LINGO2: variants seen among roughly 807,000 people sequenced by gnomAD.
The protein encoded by LINGO2 is leucine rich repeat and Ig domain containing 2.
LINGO2 carries 14 observed loss-of-function variants against 30.6 expected under a neutral mutation model. The observed-to-expected ratio is 0.46, with a 90% confidence interval of 0.30 to 0.72. The LOEUF is 0.72. Ranked by LOEUF, LINGO2 falls within the 30% of genes least tolerant of loss-of-function variation. The pLI is 0.07. For missense variants in LINGO2, 729 were observed against 751.7 expected (o/e 0.97, Z 0.35); for synonymous variants, 317 against 288.5 (o/e 1.10, Z -1.00).
At chr9:29,029,596 T>C in the LINGO2 span, among the ~76,000 whole-genome samples, 1 of 152,144 alleles carries the variant, frequency 6.6e-6, no homozygotes, top group African/African-American at 2.4e-5. Flanking sequence ...AAAACAGTGA[T>C]AGATTTTTAC....
At chr9:27,979,023 T>A (rs1820733405) in intron 5 of LINGO2, among the ~76,000 whole-genome samples, 1 of 152,052 alleles carries the variant, frequency 6.6e-6, no homozygotes, top group East Asian at 1.9e-4. Context: ...GGTCATACTG[T>A]TAAGTCAATG....
chr9:28,549,472 G>T (rs1037202067), intron 1 of LINGO2, among the ~76,000 whole-genome samples: 15 of 151,884 alleles, frequency 9.9e-5, no homozygotes, highest in African/African-American at 3.6e-4. Flanking sequence ...TTTACGTAGG[G>T]TTTAAAGTTA....
At chr9:28,640,404 C>T (rs565853613) in intron 1 of LINGO2, among the ~76,000 whole-genome samples, 4 of 152,136 alleles carry the variant, frequency 2.6e-5, no homozygotes, top group South Asian at 2.1e-4. Flanking sequence ...TGGATAATAT[C>T]CTGCAGAGTG....
intron 5 of LINGO2, among the ~76,000 whole-genome samples, chr9:28,005,001 A>G (rs1327754713): frequency 6.6e-6 from 1 of 152,238 alleles, no homozygotes; most frequent in African/African-American, 2.4e-5. Flanking sequence ...ATATGCAGCG[A>G]GGCTGCCTTT....
the LINGO2 span, among the ~76,000 whole-genome samples, chr9:28,720,255 C>T: frequency 1.2e-4 from 18 of 152,122 alleles, no homozygotes; most frequent in East Asian, 2.5e-3. Flanking sequence ...ATTCACTCTA[C>T]GTTTTAGCCA....
At chr9:28,797,329 C>CATAT in the LINGO2 span, among the ~76,000 whole-genome samples, 186 of 65,908 alleles carry the variant, frequency 2.8e-3, 4 homozygotes, top group East Asian at 5.1e-3. Flanking sequence ...ATCATATATA[C>CATAT]ATATATATAT....
chr9:29,027,273 T>C, the LINGO2 span, among the ~76,000 whole-genome samples: 1 of 152,208 alleles, frequency 6.6e-6, no homozygotes, highest in African/African-American at 2.4e-5. Flanking sequence ...TAATGAATTG[T>C]CTTCAATCAT....
chr9:28,344,992 TAGAC>T (rs1280462251), intron 3 of LINGO2, among the ~76,000 whole-genome samples: 2 of 152,148 alleles, frequency 1.3e-5, no homozygotes, highest in African/African-American at 4.8e-5. Flanking sequence ...TACAAAATAT[TAGAC>T]AGTGGTAGTT....
intron 4 of LINGO2, among the ~76,000 whole-genome samples, chr9:28,189,754 G>C (rs909259844): frequency 1.3e-5 from 2 of 151,628 alleles, no homozygotes; most frequent in African/African-American, 4.8e-5. Flanking sequence ...AAAGTTCACT[G>C]CTTTACTAGT....
chr9:28,756,402 G>T, the LINGO2 span, among the ~76,000 whole-genome samples: 3 of 152,048 alleles, frequency 2.0e-5, no homozygotes, highest in East Asian at 5.8e-4. Flanking sequence ...TAGGCAAAAG[G>T]GACTTGCCTT....
chr9:29,086,382 T>C, the LINGO2 span, among the ~76,000 whole-genome samples: 1 of 97,088 alleles, frequency 1.0e-5, no homozygotes, highest in African/African-American at 4.2e-5. Flanking sequence ...TTTATCAAGG[T>C]TTTTTTTGGT....
intron 4 of LINGO2, among the ~76,000 whole-genome samples, chr9:28,218,332 G>A (rs1428652738): frequency 6.6e-6 from 1 of 151,018 alleles, no homozygotes; most frequent in South Asian, 2.1e-4. Context: ...AGAAAAATGA[G>A]GTCCCTAAGC....
At chr9:28,824,159 A>T in the LINGO2 span, among the ~76,000 whole-genome samples, 2 of 152,176 alleles carry the variant, frequency 1.3e-5, no homozygotes, top group African/African-American at 4.8e-5. Context: ...GACAAAAGTC[A>T]TAGAAACTGG....
intron 3 of LINGO2, among the ~76,000 whole-genome samples, chr9:28,312,915 C>G (rs1824688132): frequency 6.6e-6 from 1 of 151,944 alleles, no homozygotes; most frequent in Admixed American, 6.6e-5. Flanking sequence ...TTTTAATGAC[C>G]CAAGGGTAGT....
At chr9:28,213,751 T>C (rs554114931) in intron 4 of LINGO2, among the ~76,000 whole-genome samples, 3 of 151,672 alleles carry the variant, frequency 2.0e-5, no homozygotes, top group Admixed American at 6.6e-5. Flanking sequence ...TCAGTGGTTA[T>C]ATATTTATTT....
chr9:29,092,314 A>T, the LINGO2 span, among the ~76,000 whole-genome samples: 12 of 151,980 alleles, frequency 7.9e-5, no homozygotes, highest in African/African-American at 2.2e-4. Flanking sequence ...TCCAAGGACA[A>T]CACAATCAAT....
the LINGO2 span, among the ~76,000 whole-genome samples, chr9:28,744,985 T>C: frequency 2.0e-5 from 3 of 152,006 alleles, no homozygotes; most frequent in Admixed American, 6.5e-5. Flanking sequence ...TAGGTCTACA[T>C]AAGCCACTTA....
At chr9:28,972,671 G>A in the LINGO2 span, among the ~76,000 whole-genome samples, 196 of 152,224 alleles carry the variant, frequency 1.3e-3, no homozygotes, top group Non-Finnish European at 2.2e-3. Flanking sequence ...TGGGAGACTC[G>A]GTAATTTATA....
the LINGO2 span, among the ~76,000 whole-genome samples, chr9:28,816,323 G>A: frequency 5.3e-5 from 8 of 152,164 alleles, no homozygotes; most frequent in Admixed American, 4.6e-4. Context: ...TTTGCCAGGG[G>A]CAGCAGCCTG....
Sources: allele counts gnomAD v4.1 joint callset (sites outside exome capture counted in the v4.1 genomes callset), GRCh38; gene constraint gnomAD v4.1.1; transcripts MANE v1.5; gene names NCBI Gene and HGNC (gene_info 2026-07-23, HGNC 2026-07-21).